Variants in TOX3 observed in about 807,000 individuals in gnomAD.
The protein encoded by TOX3 is CAG trinucleotide repeat-containing gene F9 protein.
In TOX3, 22 loss-of-function variants were observed where a neutral mutation model predicts 64.3. That is an observed-to-expected ratio of 0.34 (90% CI 0.24 to 0.49). The LOEUF (loss-of-function observed/expected upper bound fraction) is 0.49, where lower values mean the gene tolerates loss of function less well. TOX3 is among the 20% of genes least tolerant of loss of function. The probability of loss-of-function intolerance (pLI) is 0.99; values close to 1 mark genes in which losing one functional copy is unlikely to be tolerated. For synonymous variants in TOX3, 291 were observed against 273.6 expected (o/e 1.06, Z -0.63); for missense variants, 661 against 714.4 (o/e 0.93, Z 0.85).
In TOX3 at chr16:52,506,748, T is replaced by TATAATTACA. The variant is rs539627214; in HGVS notation, c.88-38183_88-38175dup. Among the ~76,000 whole-genome samples, 8 of 152,326 alleles carry TATAATTACA rather than the reference T, an allele frequency of 5.3e-5. No individual in the cohort carries two copies. The South Asian group carries it at 1.5e-3, about 28-fold the overall frequency. ...AGGCCTCCAACAATGAGATATCACC[T>TATAATTACA]ATAATTACATTAAAGATTTAAAAAC... is the stretch of plus-strand genomic sequence containing the variant. On this transcript the variant is annotated intron_variant, in intron 1 of 6. Coordinates refer to ENST00000219746, the MANE Select transcript of TOX3 (RefSeq NM_001080430.4).
intron 1 of TOX3, among the ~76,000 whole-genome samples, chr16:52,512,859 G>A (rs1006659920): frequency 6.6e-6 from 1 of 152,192 alleles, no homozygotes; most frequent in African/African-American, 2.4e-5. Context: ...TAAACAAAGT[G>A]AATGCCAAGA....
chr16:52,466,820 A>C (rs1348293982), intron 2 of TOX3, among the ~76,000 whole-genome samples: 1 of 152,194 alleles, frequency 6.6e-6, no homozygotes, highest in Non-Finnish European at 1.5e-5. Context: ...CTTTAAAGGC[A>C]GGTAATATAT....
chr16:52,454,643 TA>T (rs1165392585), intron 3 of TOX3, among the ~76,000 whole-genome samples: 1 of 152,176 alleles, frequency 6.6e-6, no homozygotes, highest in African/African-American at 2.4e-5. Flanking sequence ...AAGTAACCTT[TA>T]AAAGATGTTA....
chr16:52,510,062 G>A (rs1962261345), intron 1 of TOX3, among the ~76,000 whole-genome samples: 1 of 151,062 alleles, frequency 6.6e-6, no homozygotes, highest in Non-Finnish European at 1.5e-5. Context: ...TTCATTCCCT[G>A]GAAATCTGCC....
intron 1 of TOX3, among the ~76,000 whole-genome samples, chr16:52,511,863 T>C (rs1306897272): frequency 1.3e-5 from 2 of 152,206 alleles, no homozygotes; most frequent in Non-Finnish European, 2.9e-5. Context: ...TGTAAAGTCA[T>C]GTTTGCCTTT....
intron 1 of TOX3, among the ~76,000 whole-genome samples, chr16:52,533,954 A>G (rs1250198551): frequency 6.6e-6 from 1 of 152,208 alleles, no homozygotes; most frequent in Non-Finnish European, 1.5e-5. Flanking sequence ...GAAGAAAGAA[A>G]GATCTGGTCC....
intron 1 of TOX3, among the ~76,000 whole-genome samples, chr16:52,544,822 C>A (rs1361475962): frequency 1.3e-5 from 2 of 152,182 alleles, no homozygotes; most frequent in Non-Finnish European, 2.9e-5. Flanking sequence ...CCCTTGGGAT[C>A]CCAGTGAACA....
At chr16:52,493,019 C>T (rs1961738786) in intron 1 of TOX3, among the ~76,000 whole-genome samples, 1 of 151,954 alleles carries the variant, frequency 6.6e-6, no homozygotes, top group South Asian at 2.1e-4. Flanking sequence ...CAAACATGTA[C>T]TTTGTACTTT....
At chr16:52,516,506 C>A (rs1234020889) in intron 1 of TOX3, among the ~76,000 whole-genome samples, 2 of 152,254 alleles carry the variant, frequency 1.3e-5, no homozygotes, top group East Asian at 3.9e-4. Flanking sequence ...ATTTAAAAAT[C>A]TTTTTCACTA....
intron 1 of TOX3, among the ~76,000 whole-genome samples, chr16:52,520,276 T>C (rs974215618): frequency 6.6e-6 from 1 of 152,364 alleles, no homozygotes. Flanking sequence ...ATAATTTTTC[T>C]TTAAAACTTT....
At chr16:52,443,236 TACA>T (rs748253864) in intron 6 of TOX3, among the ~76,000 whole-genome samples, 5 of 152,188 alleles carry the variant, frequency 3.3e-5, no homozygotes, top group Non-Finnish European at 5.9e-5. Flanking sequence ...CAAGTCTGAG[TACA>T]ACATCAGTAT....
intron 1 of TOX3, among the ~76,000 whole-genome samples, chr16:52,515,241 A>C (rs1962424141): frequency 6.6e-6 from 1 of 151,588 alleles, no homozygotes; most frequent in African/African-American, 2.4e-5. Context: ...AAGTGGGGAG[A>C]GGCATGCCTA....
At chr16:52,470,624 C>T (rs758327155) in intron 1 of TOX3, among the ~76,000 whole-genome samples, 33 of 152,182 alleles carry the variant, frequency 2.2e-4, no homozygotes, top group Non-Finnish European at 1.3e-4. Flanking sequence ...GAAGAAACTA[C>T]AGCTAATCAG....
intron 4 of TOX3, 115 bp from the exon 5 acceptor site, chr16:52,446,336 G>C (rs1293966725): frequency 9.3e-7 from 1 of 1,072,984 alleles, no homozygotes; most frequent in African/African-American, 1.6e-5. Context: ...ATCAACAGAT[G>C]AATCACCACC....
intron 3 of TOX3, among the ~76,000 whole-genome samples, chr16:52,452,912 C>A (rs920119891): frequency 5.3e-5 from 8 of 152,166 alleles, no homozygotes; most frequent in African/African-American, 1.7e-4. Context: ...GCAGTGTTCT[C>A]CTTCGTTGTT....
intron 5 of TOX3, 147 bp downstream of exon 5, chr16:52,445,847 G>T: frequency 5.4e-6 from 4 of 735,888 alleles, no homozygotes; most frequent in South Asian, 2.0e-5. Flanking sequence ...AGATTTATAT[G>T]TCTGGGTTTT....
chr16:52,508,339 C>T (rs182866996), intron 1 of TOX3, among the ~76,000 whole-genome samples: 218 of 152,292 alleles, frequency 1.4e-3, no homozygotes, highest in Non-Finnish European at 2.3e-3. Flanking sequence ...ACAATTCTTG[C>T]ACATGTGCAA....
At chr16:52,490,926 G>A (rs1161386570) in intron 1 of TOX3, among the ~76,000 whole-genome samples, 1 of 152,040 alleles carries the variant, frequency 6.6e-6, no homozygotes, top group Non-Finnish European at 1.5e-5. Context: ...ACCACACCTG[G>A]CCTAAGATGT....
intron 1 of TOX3, among the ~76,000 whole-genome samples, chr16:52,517,007 T>G (rs1244826854): frequency 6.6e-6 from 1 of 152,148 alleles, no homozygotes; most frequent in Non-Finnish European, 1.5e-5. Context: ...ACTCAAATAT[T>G]AACCATGACC....
Sources: allele counts gnomAD v4.1 joint callset (sites outside exome capture counted in the v4.1 genomes callset), GRCh38; gene constraint gnomAD v4.1.1; transcripts MANE v1.5; gene names NCBI Gene and HGNC (gene_info 2026-07-23, HGNC 2026-07-21).